SH3RF1: variants seen among roughly 807,000 people sequenced by gnomAD.
The protein encoded by SH3RF1 is E3 ubiquitin-protein ligase SH3RF1.
In SH3RF1, 32 loss-of-function variants were observed where a neutral mutation model predicts 74.0. The ratio of observed to expected loss-of-function variants is 0.43; its 90% CI spans 0.33 to 0.58. The LOEUF (loss-of-function observed/expected upper bound fraction) is 0.58. Ranked by LOEUF, SH3RF1 falls within the 20% of genes least tolerant of loss-of-function variation. SH3RF1 has a pLI of 0.05. For missense variants in SH3RF1, 954 were observed against 1,130.9 expected (o/e 0.84, Z 2.24); for synonymous variants, 396 against 439.6 (o/e 0.90, Z 1.24).
chr4:169,239,307 G>A (rs1185488267), intron 2 of SH3RF1, among the ~76,000 whole-genome samples: 6 of 152,042 alleles, frequency 3.9e-5, no homozygotes, highest in Non-Finnish European at 8.8e-5. Context: ...AAACACTGAA[G>A]GCCAAGTGTT....
chr4:169,257,982 T>G (rs1731219025), intron 2 of SH3RF1, among the ~76,000 whole-genome samples: 1 of 152,216 alleles, frequency 6.6e-6, no homozygotes, highest in African/African-American at 2.4e-5. Context: ...GAGAGCCACA[T>G]GTCACCTCAA....
intron 2 of SH3RF1, among the ~76,000 whole-genome samples, chr4:169,263,191 AG>A (rs1234950548): frequency 2.0e-5 from 3 of 152,138 alleles, no homozygotes; most frequent in African/African-American, 7.2e-5. Context: ...ACGCCAGGGG[AG>A]CATGTCCCAA....
At chr4:169,145,050 T>C (rs1223592077) in intron 4 of SH3RF1, among the ~76,000 whole-genome samples, 1 of 152,116 alleles carries the variant, frequency 6.6e-6, no homozygotes, top group Admixed American at 6.5e-5. Flanking sequence ...AGATTAAGAA[T>C]AGTGTACTTA....
At chr4:169,177,966 T>TC (rs1734447738) in intron 2 of SH3RF1, among the ~76,000 whole-genome samples, 1 of 151,984 alleles carries the variant, frequency 6.6e-6, no homozygotes, top group African/African-American at 2.4e-5. Flanking sequence ...AAAAAAGAAC[T>TC]TTTTTTGGTT....
chr4:169,136,696 T>C (rs1361580731), intron 4 of SH3RF1, 76 bp from the exon 5 acceptor site: 17 of 1,418,234 alleles, frequency 1.2e-5, no homozygotes, highest in Non-Finnish European at 1.6e-5. Context: ...ATTTCCAACA[T>C]GATTTCATCC....
At chr4:169,202,576 A>G (rs1734928856) in intron 2 of SH3RF1, among the ~76,000 whole-genome samples, 1 of 152,254 alleles carries the variant, frequency 6.6e-6, no homozygotes, top group African/African-American at 2.4e-5. Flanking sequence ...TTAATAACAC[A>G]GTGACAATTG....
chr4:169,194,753 T>G (rs1734782633), intron 2 of SH3RF1, among the ~76,000 whole-genome samples: 1 of 152,144 alleles, frequency 6.6e-6, no homozygotes, highest in Non-Finnish European at 1.5e-5. Context: ...GGGTATGCAT[T>G]TCATAAACTG....
chr4:169,209,615 G>C (rs1730324067), intron 2 of SH3RF1, among the ~76,000 whole-genome samples: 1 of 152,124 alleles, frequency 6.6e-6, no homozygotes, highest in Non-Finnish European at 1.5e-5. Context: ...TATTAGAAAA[G>C]TAAACAATAT....
rs1324206450 is a variant in SH3RF1 at position 169,094,545 on chromosome 4, A to AAAATTATCTT, written c.*1964_*1973dup. The AAAATTATCTT allele has an allele frequency of 4.6e-5, 7 of 152,202 alleles. No homozygotes were observed. Among genetic ancestry groups the AAAATTATCTT allele is most frequent in the African/African-American group, 7.2e-5 (3 of 41,452 alleles). 9.4% of individuals were successfully genotyped at this position (152,202 alleles called of 1,614,324 possible). ...AAAATATGGAGAAAAGACAGGTAAA[A>AAAATTATCTT]AAATTATCTTAACCTGTAGTAGTCT... On this transcript the variant is annotated 3_prime_UTR_variant, in exon 12 of 12. Transcript: ENST00000284637.
chr4:169,252,240 T>C (rs1205483798), intron 2 of SH3RF1, among the ~76,000 whole-genome samples: 6 of 152,238 alleles, frequency 3.9e-5, no homozygotes, highest in Non-Finnish European at 8.8e-5. Context: ...GAGAACAGAA[T>C]GAATTCATTC....
At chr4:169,262,497 C>T (rs1237376686) in intron 2 of SH3RF1, among the ~76,000 whole-genome samples, 1 of 152,036 alleles carries the variant, frequency 6.6e-6, no homozygotes, top group African/African-American at 2.4e-5. Flanking sequence ...TGAAAACCCA[C>T]CTCTACTAAA....
intron 2 of SH3RF1, among the ~76,000 whole-genome samples, chr4:169,267,215 C>T (rs576530720): frequency 2.6e-5 from 4 of 152,266 alleles, no homozygotes; most frequent in Admixed American, 6.5e-5. Context: ...TCCTTAAATT[C>T]CTCTTTATCA....
intron 2 of SH3RF1, among the ~76,000 whole-genome samples, chr4:169,164,243 T>C (rs940581604): frequency 1.3e-5 from 2 of 152,224 alleles, no homozygotes; most frequent in African/African-American, 4.8e-5. Context: ...TACCTCAGTG[T>C]CTGTGAAAAA....
intron 2 of SH3RF1, among the ~76,000 whole-genome samples, chr4:169,183,750 T>TA (rs199772454): frequency 0.5 from 69,556 of 140,068 alleles, 17,106 homozygotes; most frequent in East Asian, 0.75. Context: ...GCTGTCTCTT[T>TA]AAAAAAAAAA....
At chr4:169,142,037 C>A (rs2126957102) in intron 4 of SH3RF1, among the ~76,000 whole-genome samples, 1 of 152,214 alleles carries the variant, frequency 6.6e-6, no homozygotes, top group African/African-American at 2.4e-5. Context: ...CCAGGATGAT[C>A]TCAATCTCCT....
Position 169,209,842 on chromosome 4 carries a change from T to C in SH3RF1, c.394-53163A>G, listed in dbSNP as rs558503517. Among the ~76,000 whole-genome samples, 6 of 152,248 alleles carry C rather than the reference T, an allele frequency of 3.9e-5. No individual in the cohort carries two copies. The South Asian group carries it at 1.2e-3, about 32-fold the overall frequency. ...TCTCACTCTGTTGCCCAGGCTGGAG[T>C]GCAATGACACAATCACGGCTCACTG... On this transcript the variant is annotated intron_variant, in intron 2 of 11. Coordinates refer to ENST00000284637, the MANE Select transcript of SH3RF1 (RefSeq NM_020870.4).
intron 2 of SH3RF1, among the ~76,000 whole-genome samples, chr4:169,195,047 G>A (rs1463558333): frequency 6.6e-6 from 1 of 152,126 alleles, no homozygotes; most frequent in Admixed American, 6.5e-5. Flanking sequence ...TCTTTCATCT[G>A]AGATAATTTT....
chr4:169,264,685 A>G (rs1377084171), intron 2 of SH3RF1, among the ~76,000 whole-genome samples: 2 of 152,128 alleles, frequency 1.3e-5, no homozygotes, highest in Non-Finnish European at 2.9e-5. Flanking sequence ...CTCAGTCCCA[A>G]TGGTCCCTCT....
chr4:169,104,922 A>G (rs1371068613), intron 11 of SH3RF1, among the ~76,000 whole-genome samples: 1 of 150,852 alleles, frequency 6.6e-6, no homozygotes, highest in East Asian at 1.9e-4. Context: ...AAAAAAAATC[A>G]TAAATTGTGA....
Sources: allele counts gnomAD v4.1 joint callset (sites outside exome capture counted in the v4.1 genomes callset), GRCh38; gene constraint gnomAD v4.1.1; transcripts MANE v1.5; gene names NCBI Gene and HGNC (gene_info 2026-07-23, HGNC 2026-07-21).